Variants in ZXDC observed in about 807,000 individuals in gnomAD.
ZXDC encodes ZXD family zinc finger C.
ZXDC carries 58 observed loss-of-function variants against 63.6 expected under a neutral mutation model. The observed-to-expected ratio is 0.91, with a 90% CI of 0.74 to 1.13. ZXDC has a LOEUF of 1.13. Ranked by LOEUF, ZXDC falls within the 50% of genes most tolerant of loss-of-function variation. The pLI, the probability that ZXDC is intolerant of heterozygous loss-of-function variation, is 0.00. For missense variants in ZXDC, 1,133 were observed against 1,148.9 expected, an observed-to-expected ratio of 0.99 and a Z score of 0.20; for synonymous variants, 561 against 496.1, an observed-to-expected ratio of 1.13 and a Z score of -1.74.
At position 126,461,875 on chromosome 3, in the gene ZXDC, A is replaced by C; in HGVS notation, c.1787T>G (p.Phe596Cys). 1 of 1,614,136 alleles carries C rather than the reference A, an allele frequency of 6.2e-7. No individual in the cohort carries two copies. Reference protein sequence around the residue: ...TAATVLQQGSFSVDDVQTVSA... With the variant: ...TAATVLQQGSCSVDDVQTVSA... ...CACAGTCTGCACGTCATCCACACTG[A>C]AGCTGCCCTGCTGCAGAACCGTGGC... The change falls in exon 6 of 10, where the codon TTC becomes TGC. Residue 596 changes from phenylalanine to cysteine, a missense_variant. Coordinates refer to ENST00000389709, the MANE Select transcript of ZXDC (RefSeq NM_025112.5).
chr3:126,454,066 T>A (rs79064850), intron 7 of ZXDC: 52,209 of 735,128 alleles, frequency 0.071, 2,074 homozygotes, highest in African/African-American at 0.21. Context: ...ATATATATAT[T>A]TTTTTTTTTG....
chr3:126,440,398 C>T (rs1237414125), intron 8 of ZXDC: 1 of 985,436 alleles, frequency 1.0e-6, no homozygotes, highest in African/African-American at 1.7e-5. Flanking sequence ...TCATAGATGA[C>T]AAAACTGAGG....
chr3:126,474,824 A>T (rs900625518), intron 1 of ZXDC, 135 bp downstream of exon 1: 28 of 1,047,406 alleles, frequency 2.7e-5, no homozygotes, highest in Non-Finnish European at 3.5e-5. Context: ...ACATGGAAGG[A>T]GCTAGAATAC....
At chr3:126,458,271 C>CT (rs1268457612) in intron 7 of ZXDC, among the ~76,000 whole-genome samples, 4 of 138,934 alleles carry the variant, frequency 2.9e-5, no homozygotes, top group African/African-American at 1.1e-4. Flanking sequence ...GAGTCTCACT[C>CT]TGTCACCCAG....
At chr3:126,445,247 T>C (rs1356622331) in intron 7 of ZXDC, among the ~76,000 whole-genome samples, 1 of 152,116 alleles carries the variant, frequency 6.6e-6, no homozygotes, top group Non-Finnish European at 1.5e-5. Context: ...TAGGGCTCAT[T>C]CCTGAAAAGT....
intron 4 of ZXDC, among the ~76,000 whole-genome samples, chr3:126,468,710 G>C (rs1934867357): frequency 6.6e-6 from 1 of 152,114 alleles, no homozygotes; most frequent in African/African-American, 2.4e-5. Context: ...ACCAGAGCAG[G>C]ACTCTGCCTG....
At chr3:126,456,013 A>C (rs1419410769) in intron 7 of ZXDC, among the ~76,000 whole-genome samples, 1 of 152,202 alleles carries the variant, frequency 6.6e-6, no homozygotes, top group Admixed American at 6.5e-5. Context: ...AAAAAACAAA[A>C]AAAAAAGAAT....
At chr3:126,459,838 G>A (rs931413925) in intron 6 of ZXDC, 101 bp from the exon 7 acceptor site, 10 of 1,593,200 alleles carry the variant, frequency 6.3e-6, no homozygotes, top group Admixed American at 1.7e-5. Context: ...GGACATATCC[G>A]AGCTCCCAAA....
At position 126,462,046 on chromosome 3, in the gene ZXDC, G is replaced by C. The variant is rs755548032; in HGVS notation, c.1616C>G (p.Thr539Ser). 2 of 1,614,020 alleles carry C rather than the reference G, an allele frequency of 1.2e-6. No homozygotes were observed. The highest frequency in any genetic ancestry group is 2.2e-5 in the East Asian group (1 of 44,874). Reference protein sequence around the residue: ...SDEALNSGILTIDVTSVSSSL... With the variant: ...SDEALNSGILSIDVTSVSSSL... ...GGAGCTCACAGAAGTGACGTCAATA[G>C]TCAGGATTCCGGAGTTCAGAGCCTC... is the stretch of plus-strand genomic sequence containing the variant. The change falls in exon 6 of 10, where the codon ACT (threonine) becomes AGT (serine). Residue 539 changes from threonine to serine, a missense_variant. Physicochemically the swap from Thr to Ser is moderately conservative, Grantham distance 58. Coordinates refer to ENST00000389709, the MANE Select transcript of ZXDC (RefSeq NM_025112.5).
chr3:126,460,323 A>T, intron 6 of ZXDC: 1 of 515,526 alleles, frequency 1.9e-6, no homozygotes, highest in Non-Finnish European at 2.5e-6. Flanking sequence ...AAGACAGTTT[A>T]ACACTTATCG....
chr3:126,472,196 A>G lies in ZXDC; in HGVS notation c.1017T>C (p.Tyr339=). 1.2e-6 allele frequency: 2 copies of G among 1,613,224 alleles called. No homozygotes were observed. The highest frequency in any genetic ancestry group is 1.7e-6 in the Non-Finnish European group (2 of 1,179,188). Residue 339 remains tyrosine (Y), a synonymous_variant, in exon 2 of 10, where the codon TAT becomes TAC. Transcript: ENST00000389709. ...SCSFPGCSKQ[Y]DKACRLKIHL... The stretch of plus-strand genomic sequence containing the variant: ...GAATTTTCAGCCGACAGGCTTTATC[A>G]TACTGCTTGCTGCACCCAGGAAAGG...
Position 126,438,025 on chromosome 3 carries a change from T to C in ZXDC, c.*350A>G. The C allele has an allele frequency of 3.4e-6, 1 of 291,414 alleles. No homozygotes were observed. Among genetic ancestry groups the C allele is most frequent in the African/African-American group, 2.2e-5 (1 of 44,842 alleles). 18.1% of individuals were successfully genotyped at this position (291,414 alleles called of 1,614,324 possible). On this transcript the variant is annotated 3_prime_UTR_variant, in exon 10 of 10. Coordinates refer to ENST00000389709, the MANE Select transcript of ZXDC (RefSeq NM_025112.5). ...GCATCTGACTAGACAGCCTGTTCTCTACCCTATTTCCTGCAGAAGTCTTTT... is the reference window on the plus strand; with the variant it reads ...GCATCTGACTAGACAGCCTGTTCTCCACCCTATTTCCTGCAGAAGTCTTTT...
At chr3:126,456,670 T>C (rs990783317) in intron 7 of ZXDC, among the ~76,000 whole-genome samples, 1 of 152,178 alleles carries the variant, frequency 6.6e-6, no homozygotes, top group African/African-American at 2.4e-5. Flanking sequence ...ACAACAGCTA[T>C]CAGTGAGCTC....
intron 1 of ZXDC, among the ~76,000 whole-genome samples, chr3:126,472,678 G>A (rs1935026590): frequency 6.6e-6 from 1 of 152,170 alleles, no homozygotes; most frequent in African/African-American, 2.4e-5. Context: ...GATTTTGTCT[G>A]GTAGGGTTGA....
intron 7 of ZXDC, chr3:126,452,070 A>G (rs12631359): frequency 3.0e-6 from 3 of 985,276 alleles, no homozygotes; most frequent in Admixed American, 6.2e-5. Flanking sequence ...TCACCTGTCA[A>G]TAACTGGAAA....
chr3:126,441,981 T>C lies in ZXDC; in HGVS notation c.2213-35A>G, dbSNP rs764370909. ...AATATAAAAACGAGCACACCCAATCTACAATCTACCAGTCAGGTCTGCCCT... is the reference window on the plus strand; with the variant it reads ...AATATAAAAACGAGCACACCCAATCCACAATCTACCAGTCAGGTCTGCCCT... On this transcript the variant is annotated intron_variant, in intron 7 of 9. Transcript: ENST00000389709. 7 of 1,556,140 alleles carry C rather than the reference T, an allele frequency of 4.5e-6. No homozygotes were observed. The South Asian group carries it at 8.7e-5, about 19-fold the overall frequency.
chr3:126,461,489 G>C lies in ZXDC; in HGVS notation c.2127+46C>G, dbSNP rs761551413. On this transcript the variant is annotated intron_variant, in intron 6 of 9. Transcript: ENST00000389709. ...CCAGAATATCCTCAAGACCGAGTAT[G>C]AGAGAAGTGACCTATATGGTGGTGA... is the stretch of plus-strand genomic sequence containing the variant. 9.7e-6 allele frequency: 15 copies of C among 1,553,496 alleles called. No homozygotes were observed. The Admixed American group carries it at 1.2e-4, about 12-fold the overall frequency.
intron 7 of ZXDC, chr3:126,451,447 C>T: frequency 1.0e-6 from 1 of 985,390 alleles, no homozygotes; most frequent in Non-Finnish European, 1.2e-6. Flanking sequence ...CCTGGGATTT[C>T]CTTGAGATAA....
Position 126,453,866 on chromosome 3 carries a change from C to T in ZXDC, c.2212+5787G>A, listed in dbSNP as rs539635028. On this transcript the variant is annotated intron_variant, in intron 7 of 9. Coordinates refer to ENST00000389709, the MANE Select transcript of ZXDC (RefSeq NM_025112.5). ...AGGCATGAGCCACCGCGCCCAGCCT[C>T]GCTTTTATTTCTTCTTTCACCTGAT... The T allele has an allele frequency of 4.5e-5, 44 of 984,946 alleles. No individual in the cohort carries two copies. The East Asian group carries it at 6.8e-4, about 15-fold the overall frequency. 61.0% of individuals were successfully genotyped at this position (984,946 alleles called of 1,614,324 possible).
Sources: allele counts gnomAD v4.1 joint callset (sites outside exome capture counted in the v4.1 genomes callset), GRCh38; gene constraint gnomAD v4.1.1; transcripts MANE v1.5; gene names NCBI Gene and HGNC (gene_info 2026-07-23, HGNC 2026-07-21).